Variants in NRG1 observed in about 807,000 individuals in gnomAD.
NRG1 encodes the protein pro-neuregulin-1, membrane-bound isoform.
Under a neutral mutation model 63.8 loss-of-function variants are expected in NRG1, and 18 were observed. The observed-to-expected ratio is 0.28, with a 90% confidence interval of 0.19 to 0.42. NRG1 has a LOEUF of 0.42. Among genes scored for constraint, NRG1 ranks in the 10% least tolerant of loss-of-function variants. The pLI, the probability that NRG1 is intolerant of heterozygous loss-of-function variation, is 1.00. For synonymous variants in NRG1, 302 were observed against 301.3 expected (o/e 1.00, Z -0.02); for missense variants, 762 against 814.7 (o/e 0.94, Z 0.79).
At chr8:31,686,431 A>G (rs1268061342) in intron 1 of NRG1, among the ~76,000 whole-genome samples, 1 of 152,178 alleles carries the variant, frequency 6.6e-6, no homozygotes, top group East Asian at 1.9e-4. Flanking sequence ...GTGTATAGAC[A>G]TTTACAAATA....
chr8:32,144,080 A>G (rs1379687968), intron 1 of NRG1, among the ~76,000 whole-genome samples: 1 of 152,222 alleles, frequency 6.6e-6, no homozygotes, highest in Non-Finnish European at 1.5e-5. Flanking sequence ...GGGGAACAAG[A>G]CAGTCATCAC....
chr8:32,490,560 A>G (rs753296674), intron 1 of NRG1, among the ~76,000 whole-genome samples: 2 of 152,132 alleles, frequency 1.3e-5, no homozygotes, highest in Non-Finnish European at 1.5e-5. Context: ...GAAGCATTCT[A>G]TTGGTATCAT....
chr8:32,513,255 T>C (rs1293565561), intron 1 of NRG1, among the ~76,000 whole-genome samples: 2 of 151,924 alleles, frequency 1.3e-5, no homozygotes, highest in African/African-American at 4.8e-5. Flanking sequence ...TTCTTTTTTA[T>C]TTGTGCTTCT....
intron 1 of NRG1, among the ~76,000 whole-genome samples, chr8:32,368,117 TTTG>T (rs1159249281): frequency 2.6e-5 from 4 of 152,222 alleles, no homozygotes; most frequent in African/African-American, 9.6e-5. Flanking sequence ...TGCCTCCAGT[TTTG>T]TTTTTTGCTC....
At chr8:32,120,603 T>C (rs1027418262) in intron 1 of NRG1, among the ~76,000 whole-genome samples, 1 of 152,052 alleles carries the variant, frequency 6.6e-6, no homozygotes, top group Non-Finnish European at 1.5e-5. Flanking sequence ...TAGCTAGCAA[T>C]TTGGAATCTC....
At chr8:32,464,280 C>CCG (rs1822769818) in intron 1 of NRG1, among the ~76,000 whole-genome samples, 1 of 60,248 alleles carries the variant, frequency 1.7e-5, no homozygotes, top group African/African-American at 7.1e-5. Context: ...CTTATCCCCA[C>CCG]CCCCCCCCAC....
chr8:32,408,422 A>C (rs576278638), intron 1 of NRG1, among the ~76,000 whole-genome samples: 1 of 152,260 alleles, frequency 6.6e-6, no homozygotes, highest in South Asian at 2.1e-4. Flanking sequence ...ACTAGGTCAG[A>C]GTGAGAAGCC....
rs1028420448 is a variant in NRG1 at position 31,671,917 on chromosome 8, G to T, written c.37+32486G>T. 3.9e-5 allele frequency among the ~76,000 whole-genome samples: 6 copies of T among 152,070 alleles called. No individual in the cohort carries two copies. In the East Asian group the frequency reaches 1.2e-3, roughly 29 times the overall value. On this transcript the variant is annotated intron_variant, in intron 1 of 10. Coordinates refer to the NRG1 transcript ENST00000519301. ...ATGTTAGGTCTCTCACAATCTATCA[G>T]CAATAAAAAAAGATAGCAATATAGA...
At chr8:31,845,192 T>A (rs1826576007) in intron 1 of NRG1, among the ~76,000 whole-genome samples, 2 of 152,140 alleles carry the variant, frequency 1.3e-5, no homozygotes, top group South Asian at 4.1e-4. Context: ...CATATAAGTC[T>A]ATTCTTCAGG....
chr8:32,087,334 C>T (rs1301314836), intron 1 of NRG1, among the ~76,000 whole-genome samples: 1 of 152,014 alleles, frequency 6.6e-6, no homozygotes, highest in African/African-American at 2.4e-5. Flanking sequence ...GATCTCTTCC[C>T]CTTTTGCCTT....
chr8:32,511,667 T>C (rs1168967386), intron 1 of NRG1, among the ~76,000 whole-genome samples: 2 of 151,896 alleles, frequency 1.3e-5, no homozygotes, highest in Non-Finnish European at 1.5e-5. Flanking sequence ...CCAACTAGGG[T>C]TTGTCCACCA....
intron 1 of NRG1, among the ~76,000 whole-genome samples, chr8:32,484,501 T>C (rs1372696042): frequency 6.6e-6 from 1 of 152,210 alleles, no homozygotes; most frequent in Non-Finnish European, 1.5e-5. Flanking sequence ...GAGTTCAGTT[T>C]GAAGCATTTT....
chr8:31,642,974 G>A (rs1032256087), intron 1 of NRG1, among the ~76,000 whole-genome samples: 11 of 132,348 alleles, frequency 8.3e-5, no homozygotes, highest in Admixed American at 5.7e-4. Context: ...AATATTGAGT[G>A]TAAAAGTGTG....
At chr8:31,951,649 TA>T (rs1279552787) in intron 1 of NRG1, among the ~76,000 whole-genome samples, 2 of 152,208 alleles carry the variant, frequency 1.3e-5, no homozygotes, top group African/African-American at 2.4e-5. Context: ...CTAGGAAATC[TA>T]TTCTGATGAA....
At chr8:31,819,397 GTT>G (rs1489306752) in intron 1 of NRG1, among the ~76,000 whole-genome samples, 1 of 152,124 alleles carries the variant, frequency 6.6e-6, no homozygotes, top group Non-Finnish European at 1.5e-5. Context: ...AACACTATAG[GTT>G]GGTCTATACA....
At chr8:32,738,451 T>G (rs1589513303) in intron 6 of NRG1, among the ~76,000 whole-genome samples, 1 of 151,890 alleles carries the variant, frequency 6.6e-6, no homozygotes, top group East Asian at 2.0e-4. Flanking sequence ...CACACATATG[T>G]ATATATATTT....
intron 7 of NRG1, among the ~76,000 whole-genome samples, chr8:32,744,198 A>C (rs2129042268): frequency 6.6e-6 from 1 of 152,286 alleles, no homozygotes; most frequent in East Asian, 1.9e-4. Context: ...CTGTTAACAT[A>C]GAAGTTTCCA....
chr8:31,991,922 C>G (rs561010914), intron 1 of NRG1, among the ~76,000 whole-genome samples: 367 of 151,996 alleles, frequency 2.4e-3, no homozygotes, highest in South Asian at 5.8e-3. Context: ...TAACTAATAC[C>G]TTTCCCTGTA....
intron 1 of NRG1, among the ~76,000 whole-genome samples, chr8:32,233,559 ATATATT>A (rs1176127069): frequency 1.2e-4 from 8 of 67,472 alleles, no homozygotes; most frequent in African/African-American, 4.8e-4. Context: ...ATATATATAT[ATATATT>A]TTTTTTTTTT....
Sources: gnomAD v4.1 joint callset for allele counts (sites outside exome capture counted in the v4.1 genomes callset) on GRCh38, gnomAD v4.1.1 for gene constraint, MANE v1.5 for transcripts, NCBI Gene and HGNC (gene_info 2026-07-23, HGNC 2026-07-21) for gene names.